Variants in MEIKIN observed in about 807,000 individuals in gnomAD.
MEIKIN encodes meiosis-specific kinetochore protein.
At chr5:131,929,945 A>C (rs968223719) in intron 5 of MEIKIN, among the ~76,000 whole-genome samples, 3 of 152,186 alleles carry the variant, frequency 2.0e-5, no homozygotes, top group Non-Finnish European at 4.4e-5. Flanking sequence ...ATGGGCATTT[A>C]GGTTGATTCC....
intron 8 of MEIKIN, among the ~76,000 whole-genome samples, chr5:131,883,739 T>C (rs908915546): frequency 3.3e-5 from 5 of 152,224 alleles, no homozygotes; most frequent in Non-Finnish European, 7.3e-5. Flanking sequence ...TTTAACTTCA[T>C]GTTGCTAAAA....
chr5:131,808,579 A>G (rs1470991157), intron 12 of MEIKIN, among the ~76,000 whole-genome samples: 1 of 152,196 alleles, frequency 6.6e-6, no homozygotes, highest in African/African-American at 2.4e-5. Flanking sequence ...CAGATCCCTG[A>G]GGCGATTACT....
Position 131,826,254 on chromosome 5 carries a change from A to T in MEIKIN, c.976-7391T>A, listed in dbSNP as rs193260510. On this transcript the variant is annotated intron_variant, in intron 11 of 12. Transcript: ENST00000442687. ...AATGGTGAATTTCAAAATGAAGAAAAATGATCTGAGACGGTTGTCCTAAGA... is the reference window on the plus strand; with the variant it reads ...AATGGTGAATTTCAAAATGAAGAAATATGATCTGAGACGGTTGTCCTAAGA... Among the ~76,000 whole-genome samples, 4 of 152,040 alleles carry T rather than the reference A, an allele frequency of 2.6e-5. No individual in the cohort carries two copies. The East Asian group carries it at 7.7e-4, about 29-fold the overall frequency.
intron 9 of MEIKIN, among the ~76,000 whole-genome samples, chr5:131,871,211 C>T (rs943441531): frequency 6.6e-6 from 1 of 152,188 alleles, no homozygotes. Flanking sequence ...AATCACCTCA[C>T]CCGGGAAGCA....
Position 131,945,416 on chromosome 5 carries a change from C to A in MEIKIN, c.90G>T (p.Lys30Asn). ...AGCCTGTACCTGGCGGGGCCTCGGC[C>A]TTCGCTGGAGAGCCTAGGTCTGGCG... ...TPTPDLGSPA[K>N]AEAPPGSKRK... The change falls in exon 1 of 13, where the codon AAG becomes AAT. Residue 30 changes from lysine to asparagine, a missense_variant. Lys to Asn is a moderately conservative substitution (Grantham distance 94, BLOSUM62 0). Transcript: ENST00000442687. The A allele has an allele frequency of 2.5e-6, 1 of 399,236 alleles. No homozygotes were observed. The highest frequency in any genetic ancestry group is 4.4e-6 in the Non-Finnish European group (1 of 226,190). The allele number at this position is 399,236 out of a possible 1,614,324, so 24.7% of individuals were successfully genotyped here.
intron 9 of MEIKIN, among the ~76,000 whole-genome samples, chr5:131,872,359 C>T (rs1010142635): frequency 1.3e-5 from 2 of 152,110 alleles, no homozygotes; most frequent in Non-Finnish European, 2.9e-5. Flanking sequence ...ATGCACAAGC[C>T]TCAGTAGCTG....
In MEIKIN at chr5:131,841,855, A is replaced by G. The variant is rs545234523; in HGVS notation, c.975+9409T>C. Among the ~76,000 whole-genome samples the G allele has an allele frequency of 2.6e-5, 4 of 152,238 alleles. No homozygotes were observed. The South Asian group carries it at 8.3e-4, about 32-fold the overall frequency. On this transcript the variant is annotated intron_variant, in intron 11 of 12. Transcript: ENST00000442687. ...TTATTTTCTTAATCCCTTTTTTGGA[A>G]GCTCACTGTTAGTGAATAAAGACAA...
intron 7 of MEIKIN, among the ~76,000 whole-genome samples, chr5:131,913,963 G>T (rs1219780775): frequency 2.0e-5 from 3 of 152,224 alleles, no homozygotes; most frequent in Non-Finnish European, 4.4e-5. Flanking sequence ...TCTTTAAGAG[G>T]TGACTGGATC....
At chr5:131,930,968 G>C (rs138016536) in intron 5 of MEIKIN, among the ~76,000 whole-genome samples, 1 of 151,958 alleles carries the variant, frequency 6.6e-6, no homozygotes, top group Non-Finnish European at 1.5e-5. Flanking sequence ...ATTTCATTGG[G>C]GTCAGTTTCT....
At chr5:131,819,220 T>G (rs1184623535) in intron 11 of MEIKIN, among the ~76,000 whole-genome samples, 2 of 152,070 alleles carry the variant, frequency 1.3e-5, no homozygotes, top group Non-Finnish European at 2.9e-5. Flanking sequence ...AATCCAAATT[T>G]AAATTTAACT....
intron 9 of MEIKIN, among the ~76,000 whole-genome samples, chr5:131,860,832 GCTCACTGCAAC>G (rs1449572605): frequency 1.5e-5 from 2 of 136,522 alleles, no homozygotes; most frequent in Non-Finnish European, 3.0e-5. Context: ...CACAATCTTG[GCTCACTGCAAC>G]CTCCACCTCC....
intron 8 of MEIKIN, among the ~76,000 whole-genome samples, chr5:131,895,594 A>T (rs190037729): frequency 1.6e-4 from 24 of 152,238 alleles, no homozygotes; most frequent in African/African-American, 4.8e-4. Flanking sequence ...CAGAGAGTCA[A>T]CTTCTTCCTG....
chr5:131,938,457 C>T (rs1222881059), intron 4 of MEIKIN, among the ~76,000 whole-genome samples: 1 of 152,090 alleles, frequency 6.6e-6, no homozygotes, highest in Non-Finnish European at 1.5e-5. Flanking sequence ...GGTGAGCCAC[C>T]GTGCCTGGCC....
intron 7 of MEIKIN, among the ~76,000 whole-genome samples, chr5:131,915,122 G>C (rs1751397490): frequency 6.6e-6 from 1 of 152,128 alleles, no homozygotes; most frequent in African/African-American, 2.4e-5. Context: ...CAAATTTACA[G>C]CCAAAACACC....
chr5:131,906,415 T>C (rs755969375), intron 8 of MEIKIN, among the ~76,000 whole-genome samples: 7 of 152,174 alleles, frequency 4.6e-5, no homozygotes, highest in East Asian at 1.9e-4. Flanking sequence ...ATACTGTTAG[T>C]GGGAGTGTAA....
intron 9 of MEIKIN, among the ~76,000 whole-genome samples, chr5:131,878,136 TTC>T (rs1750646358): frequency 6.6e-6 from 1 of 152,250 alleles, no homozygotes; most frequent in African/African-American, 2.4e-5. Flanking sequence ...TACATTTTCA[TTC>T]TCTTTCATTA....
At chr5:131,888,565 T>C (rs984816533) in intron 8 of MEIKIN, among the ~76,000 whole-genome samples, 2 of 152,082 alleles carry the variant, frequency 1.3e-5, no homozygotes, top group African/African-American at 2.4e-5. Context: ...TTGTTTGTTT[T>C]TTTCTTGTAA....
At chr5:131,944,804 C>G in intron 2 of MEIKIN, 52 bp from the exon 3 acceptor site, 1 of 399,018 alleles carries the variant, frequency 2.5e-6, no homozygotes, top group East Asian at 3.6e-5. Context: ...TGGCTCTCCA[C>G]GTCTCTGTTC....
intron 4 of MEIKIN, among the ~76,000 whole-genome samples, chr5:131,938,900 G>T (rs1181018715): frequency 6.6e-6 from 1 of 152,218 alleles, no homozygotes; most frequent in Non-Finnish European, 1.5e-5. Flanking sequence ...GGCTTAGGAA[G>T]AAGTGGATTT....
Sources: gnomAD v4.1 joint callset for allele counts (sites outside exome capture counted in the v4.1 genomes callset) on GRCh38, gnomAD v4.1.1 for gene constraint, MANE v1.5 for transcripts, NCBI Gene and HGNC (gene_info 2026-07-23, HGNC 2026-07-21) for gene names.